CHEK1: variants seen among roughly 807,000 people sequenced by gnomAD.
The protein encoded by CHEK1 is checkpoint kinase 1, also known as serine/threonine-protein kinase Chk1.
CHEK1 carries 32 observed loss-of-function variants against 60.2 expected under a neutral mutation model. The ratio of observed to expected loss-of-function variants is 0.53; its 90% CI spans 0.40 to 0.71. CHEK1 has a LOEUF of 0.71. CHEK1 is among the 30% of genes least tolerant of loss of function. CHEK1 has a pLI of 0.00. For synonymous variants in CHEK1, 179 were observed against 187.2 expected (o/e 0.96, Z 0.36); for missense variants, 399 against 564.6 (o/e 0.71, Z 2.97).
chr11:125,648,294 A>T (rs1173394196), intron 11 of CHEK1, among the ~76,000 whole-genome samples: 1 of 152,042 alleles, frequency 6.6e-6, no homozygotes, highest in Non-Finnish European at 1.5e-5. Flanking sequence ...TTAAGATTAC[A>T]TTATTTGGCA....
In CHEK1 at chr11:125,625,712, TC is replaced by T. The variant is rs745614002; in HGVS notation, c.-320del. ...CGCTCGAGCACCGCCCAGTCGAGCC[TC>T]ACACCGGATGCCACTTCATATTTGG... On this transcript the variant is annotated 5_prime_UTR_variant, in exon 1 of 13. Coordinates refer to ENST00000438015, the MANE Select transcript of CHEK1 (RefSeq NM_001114122.3). The T allele has an allele frequency of 2.2e-5, 14 of 647,538 alleles. No individual in the cohort carries two copies. The highest frequency in any genetic ancestry group is 3.1e-5 in the Non-Finnish European group (11 of 351,886). 40.1% of individuals were successfully genotyped at this position (647,538 alleles called of 1,614,324 possible).
At chr11:125,636,490 A>T (rs2136000920) in intron 7 of CHEK1, among the ~76,000 whole-genome samples, 1 of 152,258 alleles carries the variant, frequency 6.6e-6, no homozygotes, top group South Asian at 2.1e-4. Flanking sequence ...AGGATCAAGG[A>T]TGTAGTTTTT....
At chr11:125,629,054 T>G (rs1306300414) in intron 3 of CHEK1, among the ~76,000 whole-genome samples, 178 bp from the exon 4 acceptor site, 1 of 152,230 alleles carries the variant, frequency 6.6e-6, no homozygotes, top group Non-Finnish European at 1.5e-5. Context: ...TTTTGCCACC[T>G]AACACAGGTA....
At chr11:125,662,607 A>G (rs949773814) in intron 13 of CHEK1, among the ~76,000 whole-genome samples, 11 of 152,206 alleles carry the variant, frequency 7.2e-5, no homozygotes, top group Non-Finnish European at 1.5e-5. Flanking sequence ...TGTGGTATCC[A>G]CGGTATTGTT....
chr11:125,646,169 C>A (rs3731459), intron 11 of CHEK1, among the ~76,000 whole-genome samples: 1 of 151,908 alleles, frequency 6.6e-6, no homozygotes, highest in Non-Finnish European at 1.5e-5. Context: ...CCCAGACAAC[C>A]TCGAATCTAC....
intron 13 of CHEK1, among the ~76,000 whole-genome samples, chr11:125,674,912 T>G (rs1352111729): frequency 6.6e-6 from 1 of 152,220 alleles, no homozygotes; most frequent in East Asian, 1.9e-4. Context: ...CTGCTCACCA[T>G]CCTCAAAAAA....
intron 13 of CHEK1, chr11:125,672,867 G>A (rs1274788554): frequency 1.4e-5 from 14 of 1,011,324 alleles, no homozygotes; most frequent in Non-Finnish European, 1.8e-5. Flanking sequence ...CTTCCTCTGG[G>A]AACTTGCCCC....
In CHEK1 at chr11:125,643,511, A is replaced by G. The variant is rs556743915; in HGVS notation, c.815-281A>G. ...CCGTCTCAAAAAAAGAAAAAAAAAA[A>G]GATTGTGGTCTGAGCATACTCCACA... On this transcript the variant is annotated intron_variant, in intron 8 of 12. Coordinates refer to ENST00000438015, the MANE Select transcript of CHEK1 (RefSeq NM_001114122.3). The G allele has an allele frequency of 1.1e-3, 238 of 224,796 alleles. 4 individuals carry two copies. In the South Asian group the frequency reaches 0.025, roughly 24 times the overall value. The allele number at this position is 224,796 out of a possible 1,614,324, so 13.9% of individuals were successfully genotyped here. A position where few individuals can be genotyped will look rare whatever the true frequency, so the allele number is the denominator to read the frequency against.
In CHEK1 at chr11:125,656,638, C is replaced by T. The variant is rs914545162; in HGVS notation, c.*1318C>T. Reference sequence around the variant, plus strand: ...ATTAATATTTTTCAAAAACAGCTCTCACTGACTTGAACCTCTTCTGTAAGC... The same window carrying T: ...ATTAATATTTTTCAAAAACAGCTCTTACTGACTTGAACCTCTTCTGTAAGC... On this transcript the variant is annotated 3_prime_UTR_variant, in exon 13 of 13. Transcript: ENST00000438015. 1 of 215,238 alleles carries T rather than the reference C, an allele frequency of 4.6e-6. No individual in the cohort carries two copies. The highest frequency in any genetic ancestry group is 2.3e-5 in the African/African-American group (1 of 44,382). The allele number at this position is 215,238 out of a possible 1,614,324, so 13.3% of individuals were successfully genotyped here.
At chr11:125,644,744 C>T (rs1009964723) in intron 11 of CHEK1, 101 bp downstream of exon 11, 18 of 1,328,540 alleles carry the variant, frequency 1.4e-5, no homozygotes, top group Admixed American at 4.5e-5. Context: ...GGCTGTGGCT[C>T]ACACCTGTAA....
chr11:125,646,002 A>G (rs1941486488), intron 11 of CHEK1, among the ~76,000 whole-genome samples: 1 of 152,166 alleles, frequency 6.6e-6, no homozygotes, highest in African/African-American at 2.4e-5. Flanking sequence ...TCATCACTTT[A>G]ACCATTTTAA....
At chr11:125,659,428 C>A (rs1941974782), downstream of CHEK1, among the ~76,000 whole-genome samples, 2 of 152,006 alleles carry the variant, frequency 1.3e-5, no homozygotes, top group Non-Finnish European at 2.9e-5. Context: ...ATTCGAGATA[C>A]TAGTCCTGTG....
At chr11:125,680,829 C>A, downstream of CHEK1, 4 of 1,526,934 alleles carry the variant, frequency 2.6e-6, no homozygotes, top group Non-Finnish European at 3.6e-6. Context: ...AGCTTCTTCA[C>A]AGAGCTATGA....
chr11:125,626,626 T>A, intron 1 of CHEK1, 123 bp from the exon 2 acceptor site: 1 of 757,730 alleles, frequency 1.3e-6, no homozygotes, highest in Admixed American at 2.3e-5. Flanking sequence ...TAAATGTGGA[T>A]GAGATAGAAG....
rs375329424 is a variant in CHEK1, at chr11:125,626,857, C to T, written c.65+24C>T. ...GAGTGAGTTCTTTTAAGCTTGCCTT[C>T]GTTTTCTGAGTGCATATTCATTGTT... On this transcript the variant is annotated intron_variant, in intron 2 of 12. Coordinates refer to ENST00000438015, the MANE Select transcript of CHEK1 (RefSeq NM_001114122.3). The T allele has an allele frequency of 4.3e-5, 70 of 1,612,612 alleles. 1 individual carries two copies. The highest frequency in any genetic ancestry group is 5.4e-5 in the Non-Finnish European group (64 of 1,178,846).
intron 3 of CHEK1, among the ~76,000 whole-genome samples, chr11:125,628,287 T>C (rs896946009): frequency 3.9e-5 from 6 of 152,202 alleles, no homozygotes; most frequent in African/African-American, 1.4e-4. Context: ...TTTTTGTATA[T>C]TAAGTAAATT....
At chr11:125,657,269 ATG>A (rs147076754), downstream of CHEK1, 2 of 139,608 alleles carry the variant, frequency 1.4e-5, no homozygotes, top group Non-Finnish European at 3.1e-5. Flanking sequence ...ATATAAAAAT[ATG>A]TGTGTGTGTG....
At chr11:125,663,873 C>T (rs1339914737) in intron 13 of CHEK1, among the ~76,000 whole-genome samples, 1 of 152,172 alleles carries the variant, frequency 6.6e-6, no homozygotes, top group Non-Finnish European at 1.5e-5. Context: ...TTTCAGTCTT[C>T]TGCATATGGG....
At chr11:125,650,458 GTTT>G (rs71279471) in intron 11 of CHEK1, among the ~76,000 whole-genome samples, 1 of 130,746 alleles carries the variant, frequency 7.6e-6, no homozygotes, top group Non-Finnish European at 1.6e-5. Context: ...AGTGGTGTTT[GTTT>G]TTTTTTTTTT....
Sources: gnomAD v4.1 joint callset for allele counts (sites outside exome capture counted in the v4.1 genomes callset) on GRCh38, gnomAD v4.1.1 for gene constraint, MANE v1.5 for transcripts, NCBI Gene and HGNC (gene_info 2026-07-23, HGNC 2026-07-21) for gene names.